Variants in RALYL observed in about 807,000 individuals in gnomAD.
RALYL encodes the protein RNA-binding Raly-like protein.
A neutral mutation model predicts 35.1 loss-of-function variants in RALYL; 29 were observed. The ratio of observed to expected loss-of-function variants is 0.83; its 90% confidence interval spans 0.61 to 1.13. The LOEUF (loss-of-function observed/expected upper bound fraction) is 1.13. RALYL is among the 50% of genes most tolerant of loss of function. RALYL has a pLI of 0.00. For missense variants in RALYL, 359 were observed against 360.4 expected, an observed-to-expected ratio of 1.00 and a Z score of 0.03; for synonymous variants, 120 against 127.6, an observed-to-expected ratio of 0.94 and a Z score of 0.40.
rs972157196 is a variant in RALYL at position 84,304,243 on chromosome 8, G to A, written c.-24+119819G>A. On this transcript the variant is annotated intron_variant, in intron 1 of 8. Transcript: ENST00000521268. ...CGCCATTGTCCTGCCTCAGCCTCCC[G>A]ATTAGCTGGGACTACAGGCGCCCGC... is the stretch of plus-strand genomic sequence containing the variant. Among the ~76,000 whole-genome samples the A allele has an allele frequency of 3.3e-5, 5 of 151,984 alleles. No individual in the cohort carries two copies. In the East Asian group the frequency reaches 5.8e-4, roughly 18 times the overall value.
At chr8:84,682,438 T>C (rs10100195) in intron 2 of RALYL, among the ~76,000 whole-genome samples, 33,151 of 152,146 alleles carry the variant, frequency 0.22, 3,776 homozygotes, top group Non-Finnish European at 0.23. Context: ...CTTTTACCTC[T>C]GGTAGAATTC....
At chr8:84,224,011 T>G (rs1290403537) in intron 1 of RALYL, among the ~76,000 whole-genome samples, 1 of 152,194 alleles carries the variant, frequency 6.6e-6, no homozygotes, top group Non-Finnish European at 1.5e-5. Context: ...GTAGGTATCT[T>G]AAGTTTACCC....
chr8:84,728,585 T>C (rs558051606), intron 2 of RALYL, among the ~76,000 whole-genome samples: 7 of 152,274 alleles, frequency 4.6e-5, no homozygotes, highest in Admixed American at 4.6e-4. Context: ...CTAGGTTTTC[T>C]TCTAGGGTTT....
chr8:84,720,210 A>T (rs1843643401), intron 2 of RALYL, among the ~76,000 whole-genome samples: 2 of 152,172 alleles, frequency 1.3e-5, no homozygotes, highest in African/African-American at 4.8e-5. Context: ...AAGCAATCTT[A>T]GGCAAAAAGA....
chr8:84,428,074 GCTGTCT>G (rs1430857866), intron 1 of RALYL, among the ~76,000 whole-genome samples: 6 of 123,128 alleles, frequency 4.9e-5, no homozygotes, highest in African/African-American at 2.1e-4. Flanking sequence ...GCGCTTGCTC[GCTGTCT>G]CTCTCTCTCT....
intron 1 of RALYL, among the ~76,000 whole-genome samples, chr8:84,427,716 A>G (rs2046654736): frequency 6.6e-6 from 1 of 152,082 alleles, no homozygotes. Context: ...TTCTACTGCT[A>G]TCTGAGACGC....
intron 1 of RALYL, among the ~76,000 whole-genome samples, chr8:84,469,508 C>A (rs1470217703): frequency 6.6e-6 from 1 of 152,198 alleles, no homozygotes; most frequent in East Asian, 1.9e-4. Context: ...GTCCTGAGAT[C>A]TCCAGCTGCG....
chr8:84,444,451 G>A (rs1351104886), intron 1 of RALYL, among the ~76,000 whole-genome samples: 2 of 152,044 alleles, frequency 1.3e-5, no homozygotes, highest in Non-Finnish European at 2.9e-5. Context: ...AAAACAACAG[G>A]TTGTTTGATC....
chr8:84,435,826 G>C (rs574017538), intron 1 of RALYL, among the ~76,000 whole-genome samples: 25 of 152,138 alleles, frequency 1.6e-4, no homozygotes, highest in Non-Finnish European at 2.8e-4. Flanking sequence ...TTTCAGGGCA[G>C]GACCCAGTCT....
intron 2 of RALYL, among the ~76,000 whole-genome samples, chr8:84,597,044 G>A (rs1048742290): frequency 8.6e-5 from 13 of 152,034 alleles, no homozygotes; most frequent in South Asian, 8.3e-4. Context: ...ATAGGAAAAC[G>A]AACCTTTTAA....
intron 1 of RALYL, among the ~76,000 whole-genome samples, chr8:84,415,935 T>G (rs2044654668): frequency 6.6e-6 from 1 of 152,318 alleles, no homozygotes. Context: ...TATCTTTTCA[T>G]TGTCAAGTCG....
chr8:84,744,320 G>T (rs1808101724), intron 2 of RALYL, among the ~76,000 whole-genome samples: 1 of 151,932 alleles, frequency 6.6e-6, no homozygotes, highest in Non-Finnish European at 1.5e-5. Context: ...TAGGTACAGG[G>T]AAGCAGTCTG....
intron 2 of RALYL, among the ~76,000 whole-genome samples, chr8:84,637,242 T>A (rs1386906344): frequency 6.6e-6 from 1 of 152,056 alleles, no homozygotes; most frequent in Non-Finnish European, 1.5e-5. Context: ...AAGTTTTGTT[T>A]ATTCTAGGAC....
chr8:84,747,585 A>T (rs919174116), intron 2 of RALYL, among the ~76,000 whole-genome samples: 3 of 151,958 alleles, frequency 2.0e-5, no homozygotes, highest in Non-Finnish European at 2.9e-5. Context: ...CCTAGCATAC[A>T]GTCTTCCTAA....
intron 1 of RALYL, among the ~76,000 whole-genome samples, chr8:84,257,254 T>C (rs1447104141): frequency 1.3e-5 from 2 of 152,098 alleles, no homozygotes; most frequent in Non-Finnish European, 2.9e-5. Flanking sequence ...GGTCAGTAAA[T>C]GCAATTAGAA....
chr8:84,544,571 T>C (rs2060230540), intron 2 of RALYL, among the ~76,000 whole-genome samples: 1 of 152,044 alleles, frequency 6.6e-6, no homozygotes. Flanking sequence ...GACCTTCAAA[T>C]GTTTCCAGTC....
chr8:84,862,702 A>C (rs1041017743), intron 6 of RALYL, among the ~76,000 whole-genome samples: 2 of 152,248 alleles, frequency 1.3e-5, no homozygotes, highest in Non-Finnish European at 2.9e-5. Context: ...TTATCAGAGC[A>C]AATAACACTG....
intron 1 of RALYL, among the ~76,000 whole-genome samples, chr8:84,401,468 C>T (rs1272450526): frequency 6.6e-6 from 1 of 151,508 alleles, no homozygotes; most frequent in Non-Finnish European, 1.5e-5. Context: ...GAAACCCCGT[C>T]TCTACTAAAA....
At chr8:84,341,586 T>C (rs887362095) in intron 1 of RALYL, among the ~76,000 whole-genome samples, 5 of 152,032 alleles carry the variant, frequency 3.3e-5, no homozygotes, top group African/African-American at 7.2e-5. Flanking sequence ...TACAAACTAA[T>C]TTAAATTGCC....
Sources: allele counts gnomAD v4.1 joint callset (sites outside exome capture counted in the v4.1 genomes callset), GRCh38; gene constraint gnomAD v4.1.1; transcripts MANE v1.5; gene names NCBI Gene and HGNC (gene_info 2026-07-23, HGNC 2026-07-21).